The following BMS1 variants were observed in gnomAD, a reference collection of about 807,000 sequenced individuals.
BMS1 encodes BMS1 ribosome biogenesis factor.
A neutral mutation model predicts 138.7 loss-of-function variants in BMS1; 53 were observed. That is an observed-to-expected ratio of 0.38 (90% confidence interval 0.31 to 0.48). The LOEUF is 0.48. Among genes scored for constraint, BMS1 ranks in the 20% least tolerant of loss-of-function variants. The pLI is 0.97. For synonymous variants in BMS1, 504 were observed against 539.9 expected (o/e 0.93, Z 0.92); for missense variants, 1,360 against 1,565.5 (o/e 0.87, Z 2.22).
rs1842829695 is a variant in BMS1, at chr10:42,833,303, G to C, written c.*2207G>C. 6.6e-6 allele frequency: 1 copy of C among 152,178 alleles called. No individual in the cohort carries two copies. Among genetic ancestry groups the C allele is most frequent in the African/African-American group, 2.4e-5 (1 of 41,442 alleles). The allele number at this position is 152,178 out of a possible 1,614,324, so 9.4% of individuals were successfully genotyped here. The stretch of plus-strand genomic sequence containing the variant: ...TAATGTCTGAAAGAAACAATAAATA[G>C]CATTTTTCATGTAGAATTTTTATTG... On this transcript the variant is annotated 3_prime_UTR_variant, in exon 23 of 23. Coordinates refer to ENST00000374518, the MANE Select transcript of BMS1 (RefSeq NM_014753.4).
At chr10:42,830,755 A>G in intron 22 of BMS1, 111 bp from the exon 23 acceptor site, 1 of 951,312 alleles carries the variant, frequency 1.1e-6, no homozygotes, top group South Asian at 1.7e-5. Flanking sequence ...ATGCATTTTC[A>G]TGCAGTTAAT....
intron 1 of BMS1, among the ~76,000 whole-genome samples, chr10:42,783,378 C>T (rs1318406781): frequency 6.6e-6 from 1 of 152,200 alleles, no homozygotes; most frequent in African/African-American, 2.4e-5. Context: ...GCACCCTGTG[C>T]AGCCTTCCAA....
intron 15 of BMS1, among the ~76,000 whole-genome samples, chr10:42,819,636 GGAAA>G (rs1445146795): frequency 6.6e-6 from 1 of 152,166 alleles, no homozygotes; most frequent in Non-Finnish European, 1.5e-5. Flanking sequence ...TGTTCAGAAA[GGAAA>G]GAAAGAAGAT....
chr10:42,809,648 A>G (rs779731572), intron 13 of BMS1, among the ~76,000 whole-genome samples: 14 of 152,072 alleles, frequency 9.2e-5, no homozygotes, highest in Non-Finnish European at 1.6e-4. Context: ...TGGACTTCCT[A>G]TGTTGTTCCC....
chr10:42,798,212 T>A (rs1401165959), intron 11 of BMS1, among the ~76,000 whole-genome samples: 1 of 152,198 alleles, frequency 6.6e-6, no homozygotes, highest in African/African-American at 2.4e-5. Context: ...ATATTCTCAC[T>A]CCTCGGCCTC....
rs369258162 is a variant in BMS1, at chr10:42,820,299, C to T, written c.2644C>T (p.Pro882Ser). ...EARVQYEGFRPGMYVRIEIEN... is the reference protein window; with the variant it reads ...EARVQYEGFRSGMYVRIEIEN... Reference sequence around the variant, plus strand: ...CAGAGTTCAGTATGAGGGTTTTCGACCTGGGATGTACGTCCGCATTGAGAT... The same window carrying T: ...CAGAGTTCAGTATGAGGGTTTTCGATCTGGGATGTACGTCCGCATTGAGAT... The change falls in exon 16 of 23, where the codon CCT becomes TCT. Residue 882 changes from proline (P) to serine (S), a missense_variant. Transcript: ENST00000374518. 18 of 1,613,644 alleles carry T rather than the reference C, an allele frequency of 1.1e-5. No homozygotes were observed. The African/African-American group carries it at 2.3e-4, about 20-fold the overall frequency.
rs1296279570 is a variant in BMS1, at chr10:42,831,023, T to C, written c.3776T>C (p.Phe1259Ser). 1 of 1,596,462 alleles carries C rather than the reference T, an allele frequency of 6.3e-7. No homozygotes were observed. Among genetic ancestry groups the C allele is most frequent in the Admixed American group, 1.7e-5 (1 of 57,294 alleles). Residue 1259 changes from phenylalanine to serine, a missense_variant, in exon 23 of 23, where the codon TTC (phenylalanine) becomes TCC (serine). Transcript: ENST00000374518. ...KRQKDLRKKL[F>S]RIQGQKERRN... ...CAGAAGGACCTCAGGAAGAAGCTCT[T>C]CAGAATTCAGGGGCAGAAGGAAAGA...
intron 7 of BMS1, among the ~76,000 whole-genome samples, 160 bp from the exon 8 acceptor site, chr10:42,792,797 T>G (rs1267706283): frequency 6.6e-6 from 1 of 152,234 alleles, no homozygotes; most frequent in East Asian, 1.9e-4. Context: ...TGACCTCTTG[T>G]CTTGTAGCTA....
chr10:42,819,968 T>G (rs1473014670), intron 15 of BMS1, among the ~76,000 whole-genome samples: 1 of 152,110 alleles, frequency 6.6e-6, no homozygotes, highest in Non-Finnish European at 1.5e-5. Flanking sequence ...ATTTTGGTAT[T>G]TTTAGTAGAG....
chr10:42,810,778 A>G (rs1842148025), intron 13 of BMS1, among the ~76,000 whole-genome samples: 1 of 152,170 alleles, frequency 6.6e-6, no homozygotes, highest in African/African-American at 2.4e-5. Flanking sequence ...TGGAAGTTGC[A>G]CTGAGTGCCT....
chr10:42,798,031 A>G lies in BMS1; in HGVS notation c.2090-437A>G, dbSNP rs114364074. ...TACTGCATGGTGAGATCAAGGCCACATGGTGAGACATTTGGGCTCAGCCCA... is the reference window on the plus strand; with the variant it reads ...TACTGCATGGTGAGATCAAGGCCACGTGGTGAGACATTTGGGCTCAGCCCA... On this transcript the variant is annotated intron_variant, in intron 11 of 22. Coordinates refer to ENST00000374518, the MANE Select transcript of BMS1 (RefSeq NM_014753.4). 9.5e-3 allele frequency among the ~76,000 whole-genome samples: 1,444 copies of G among 152,338 alleles called. 24 individuals are homozygous for G. Among genetic ancestry groups the G allele is most frequent in the African/African-American group, 0.033 (1,389 of 41,568 alleles).
chr10:42,792,473 G>A lies in BMS1; in HGVS notation c.780-20G>A. Reference sequence around the variant, plus strand: ...AACTTTTGGCATTCATTTCTGCTGTGATTGAATTTATTTTTCTAGGATGGA... The same window carrying A: ...AACTTTTGGCATTCATTTCTGCTGTAATTGAATTTATTTTTCTAGGATGGA... On this transcript the variant is annotated intron_variant, in intron 6 of 22. Transcript: ENST00000374518. The A allele has an allele frequency of 6.2e-7, 1 of 1,610,028 alleles. No homozygotes were observed.
intron 13 of BMS1, 150 bp downstream of exon 13, chr10:42,802,368 G>T: frequency 1.7e-6 from 1 of 602,312 alleles, no homozygotes; most frequent in Non-Finnish European, 2.7e-6. Context: ...TAATATTCTG[G>T]GTTTTCCTTT....
At chr10:42,790,110 G>A (rs550720762) in intron 4 of BMS1, among the ~76,000 whole-genome samples, 3 of 152,290 alleles carry the variant, frequency 2.0e-5, no homozygotes, top group South Asian at 2.1e-4. Context: ...TTGGCTTTGT[G>A]GATCATATCT....
At chr10:42,813,576 G>A (rs1359842187) in intron 13 of BMS1, among the ~76,000 whole-genome samples, 2 of 152,150 alleles carry the variant, frequency 1.3e-5, no homozygotes, top group East Asian at 1.9e-4. Context: ...TGGTGGTATA[G>A]TTTTTGTTTC....
chr10:42,784,085 A>G (rs538330932), intron 1 of BMS1, among the ~76,000 whole-genome samples: 56 of 152,358 alleles, frequency 3.7e-4, no homozygotes, highest in African/African-American at 1.3e-3. Flanking sequence ...GTATATTTCT[A>G]TCCTTGCAGA....
At chr10:42,817,685 C>CA (rs1459767752) in intron 15 of BMS1, among the ~76,000 whole-genome samples, 191 bp downstream of exon 15, 3 of 152,130 alleles carry the variant, frequency 2.0e-5, no homozygotes, top group Non-Finnish European at 4.4e-5. Flanking sequence ...TTTCTGCAGT[C>CA]AGAGGGTCAC....
Position 42,820,245 on chromosome 10 carries a change from G to T in BMS1, c.2590G>T (p.Ala864Ser). 1 of 1,611,554 alleles carries T rather than the reference G, an allele frequency of 6.2e-7. No individual in the cohort carries two copies. ...EMQKQAQLNR[A>S]EFEDQDDEAR... ...TCCCCATCATGTACAGCTGAATCGCGCAGAATTTGAAGATCAAGATGATGA... is the reference window on the plus strand; with the variant it reads ...TCCCCATCATGTACAGCTGAATCGCTCAGAATTTGAAGATCAAGATGATGA... Residue 864 changes from alanine to serine, a missense_variant, in exon 16 of 23, where the codon GCA (alanine) becomes TCA (serine). Transcript: ENST00000374518.
intron 2 of BMS1, among the ~76,000 whole-genome samples, chr10:42,784,940 T>C (rs967114864): frequency 7.9e-5 from 12 of 152,240 alleles, no homozygotes; most frequent in South Asian, 2.1e-4. Flanking sequence ...TAGTGAGCCC[T>C]TGTGATATGC....
Sources: gnomAD v4.1 joint callset for allele counts (sites outside exome capture counted in the v4.1 genomes callset) on GRCh38, gnomAD v4.1.1 for gene constraint, MANE v1.5 for transcripts, NCBI Gene and HGNC (gene_info 2026-07-23, HGNC 2026-07-21) for gene names.